Variants in HYDIN observed in about 807,000 individuals in gnomAD.
HYDIN encodes HYDIN axonemal central pair apparatus protein.
HYDIN carries 132 observed loss-of-function variants against 403.9 expected under a neutral mutation model. The ratio of observed to expected loss-of-function variants is 0.33; its 90% CI spans 0.28 to 0.38. The LOEUF (loss-of-function observed/expected upper bound fraction) is 0.38, where lower values mean the gene tolerates loss of function less well. HYDIN is among the 10% of genes least tolerant of loss of function. HYDIN has a pLI of 1.00. For missense variants in HYDIN, 2,827 were observed against 5,009.5 expected, an observed-to-expected ratio of 0.56 and a Z score of 13.15; for synonymous variants, 1,202 against 1,891.7, an observed-to-expected ratio of 0.64 and a Z score of 9.46.
intron 11 of HYDIN, among the ~76,000 whole-genome samples, chr16:71,093,412 T>C (rs1358807121): frequency 6.6e-6 from 1 of 151,522 alleles, no homozygotes; most frequent in Non-Finnish European, 1.5e-5. Context: ...TGAAAACAGC[T>C]ATGCTCATTA....
intron 23 of HYDIN, among the ~76,000 whole-genome samples, chr16:71,010,511 T>A (rs111937533): frequency 1.5e-3 from 225 of 151,506 alleles, no homozygotes; most frequent in African/African-American, 5.2e-3. Flanking sequence ...GAGGCACCCA[T>A]CTCCTCAATT....
At chr16:70,943,691 G>A (rs1597380180) in intron 42 of HYDIN, 121 bp downstream of exon 42, 2 of 1,364,514 alleles carry the variant, frequency 1.5e-6, no homozygotes, top group Middle Eastern at 2.2e-4. Context: ...ACAAGCAAAC[G>A]ACTGCCTTCC....
rs1298638434 is a variant in HYDIN at position 71,226,513 on chromosome 16, T to C, written c.-24+4049A>G. On this transcript the variant is annotated intron_variant, in intron 1 of 85. Transcript: ENST00000393567. ...AAACATTGAGGAAAATCTTGTTACC[T>C]TGTGTTAGGCCAAAGGTTTTTAGAT... Among the ~76,000 whole-genome samples, 4 of 152,234 alleles carry C rather than the reference T, an allele frequency of 2.6e-5. No homozygotes were observed. The South Asian group carries it at 6.2e-4, about 24-fold the overall frequency.
rs540943202 is a variant in HYDIN, at chr16:70,806,895, G to A, written c.*685C>T. ...ATGTGCAGATGGGTTGAGAATCCCTGCTCTCCTGCTGAATGCTATCCAAGG... is the reference window on the plus strand; with the variant it reads ...ATGTGCAGATGGGTTGAGAATCCCTACTCTCCTGCTGAATGCTATCCAAGG... On this transcript the variant is annotated 3_prime_UTR_variant, in exon 86 of 86. Coordinates refer to ENST00000393567, the MANE Select transcript of HYDIN (RefSeq NM_001270974.2). Among the ~76,000 whole-genome samples, 1 of 152,156 alleles carries A rather than the reference G, an allele frequency of 6.6e-6. No individual in the cohort carries two copies. The highest frequency in any genetic ancestry group is 2.1e-4 in the South Asian group (1 of 4,826).
At chr16:71,167,509 G>A (rs934677775) in intron 5 of HYDIN, among the ~76,000 whole-genome samples, 2 of 149,348 alleles carry the variant, frequency 1.3e-5, no homozygotes, top group South Asian at 2.2e-4. Flanking sequence ...TCACATATCC[G>A]CTGCCTTGTT....
chr16:71,227,080 C>A (rs1275996811), intron 1 of HYDIN, among the ~76,000 whole-genome samples: 1 of 151,846 alleles, frequency 6.6e-6, no homozygotes, highest in Admixed American at 6.6e-5. Context: ...GTGTCACATA[C>A]TGGGAGAAAT....
chr16:71,115,895 A>G, intron 9 of HYDIN, 100 bp from the exon 10 acceptor site: 1 of 688,030 alleles, frequency 1.5e-6, no homozygotes, highest in Non-Finnish European at 2.5e-6. Flanking sequence ...TTTTTTTCAT[A>G]AAATTGTATA....
intron 1 of HYDIN, among the ~76,000 whole-genome samples, chr16:71,205,816 C>A (rs1222010444): frequency 2.6e-5 from 4 of 152,100 alleles, no homozygotes; most frequent in Admixed American, 2.6e-4. Flanking sequence ...CCCACCCCTG[C>A]CACTGGTAGC....
intron 6 of HYDIN, among the ~76,000 whole-genome samples, chr16:71,155,119 TAG>T (rs1017939600): frequency 6.6e-5 from 8 of 121,924 alleles, no homozygotes; most frequent in African/African-American, 1.0e-4. Context: ...CACACTGCTC[TAG>T]AGAGAGTGTA....
rs1310699711 is a variant in HYDIN at position 70,802,490 on chromosome 16, G to A, written c.*5090C>T. On this transcript the variant is annotated 3_prime_UTR_variant, in exon 86 of 86. Coordinates refer to ENST00000393567, the MANE Select transcript of HYDIN (RefSeq NM_001270974.2). Reference sequence around the variant, plus strand: ...AACTGGAAGAGAGACTCTCCTGTAAGGAGTTTAGTCATATGGCCACAAAGG... The same window carrying A: ...AACTGGAAGAGAGACTCTCCTGTAAAGAGTTTAGTCATATGGCCACAAAGG... 1.3e-5 allele frequency: 2 copies of A among 152,184 alleles called. No individual in the cohort carries two copies. Among genetic ancestry groups the A allele is most frequent in the East Asian group, 3.9e-4 (2 of 5,194 alleles). 9.4% of individuals were successfully genotyped at this position (152,184 alleles called of 1,614,324 possible). A position where few individuals can be genotyped will look rare whatever the true frequency, so the allele number is the denominator to read the frequency against.
At chr16:70,931,636 T>C (rs926150815) in intron 45 of HYDIN, among the ~76,000 whole-genome samples, 11 of 151,800 alleles carry the variant, frequency 7.2e-5, no homozygotes, top group African/African-American at 2.7e-4. Context: ...ATAGAGAAAA[T>C]CAGAATCACC....
At chr16:71,003,339 A>G (rs966584549) in intron 23 of HYDIN, among the ~76,000 whole-genome samples, 2 of 152,156 alleles carry the variant, frequency 1.3e-5, no homozygotes, top group Non-Finnish European at 2.9e-5. Flanking sequence ...AGCCTTTTAA[A>G]TCAATGAAAC....
chr16:71,065,527 C>A (rs1351213891), intron 15 of HYDIN, among the ~76,000 whole-genome samples: 1 of 152,082 alleles, frequency 6.6e-6, no homozygotes, highest in Non-Finnish European at 1.5e-5. Context: ...TCTATCCTAC[C>A]CTTTGCCATT....
rs1008315183 is a variant in HYDIN, at chr16:70,803,861, G to C, written c.*3719C>G. On this transcript the variant is annotated 3_prime_UTR_variant, in exon 86 of 86. Transcript: ENST00000393567. ...ACTCACTGGGGGCCCAGTGTGGAAC[G>C]AGGCCAGGGAGCCCCATTCCCATGG... is the stretch of plus-strand genomic sequence containing the variant. 6.6e-6 allele frequency among the ~76,000 whole-genome samples: 1 copy of C among 151,276 alleles called. No homozygotes were observed. The highest frequency in any genetic ancestry group is 1.5e-5 in the Non-Finnish European group (1 of 67,738).
intron 10 of HYDIN, among the ~76,000 whole-genome samples, chr16:71,110,062 G>C (rs1484282357): frequency 1.5e-5 from 2 of 130,984 alleles, no homozygotes; most frequent in Non-Finnish European, 3.1e-5. Flanking sequence ...TTCATTCTGG[G>C]GACGTCTGGA....
intron 1 of HYDIN, among the ~76,000 whole-genome samples, chr16:71,220,292 T>G (rs540483726): frequency 6.6e-6 from 1 of 152,216 alleles, no homozygotes; most frequent in African/African-American, 2.4e-5. Flanking sequence ...TGTGAAACTA[T>G]ATAACTACTA....
chr16:71,158,046 C>G (rs1035797928), intron 6 of HYDIN, among the ~76,000 whole-genome samples: 1 of 151,320 alleles, frequency 6.6e-6, no homozygotes, highest in African/African-American at 2.4e-5. Flanking sequence ...TGCTAGTGTC[C>G]CTGACTGGTC....
intron 10 of HYDIN, among the ~76,000 whole-genome samples, chr16:71,105,318 C>A (rs1200037357): frequency 2.0e-5 from 3 of 150,748 alleles, no homozygotes; most frequent in African/African-American, 7.3e-5. Flanking sequence ...ACACATATAT[C>A]TAAAAAAAAA....
intron 73 of HYDIN, among the ~76,000 whole-genome samples, chr16:70,853,986 T>C (rs1239101986): frequency 6.7e-6 from 1 of 150,146 alleles, no homozygotes; most frequent in Non-Finnish European, 1.5e-5. Context: ...TTCAAGCGAT[T>C]CTCCTGCCTC....
Sources: allele counts gnomAD v4.1 joint callset (sites outside exome capture counted in the v4.1 genomes callset), GRCh38; gene constraint gnomAD v4.1.1; transcripts MANE v1.5; gene names NCBI Gene and HGNC (gene_info 2026-07-23, HGNC 2026-07-21).